POLH: variants seen among roughly 807,000 people sequenced by gnomAD.
POLH encodes DNA polymerase eta.
In POLH, 53 loss-of-function variants were observed where a neutral mutation model predicts 73.6. The ratio of observed to expected loss-of-function variants is 0.72; its 90% CI spans 0.58 to 0.91. The LOEUF (loss-of-function observed/expected upper bound fraction) is 0.91, where lower values mean the gene tolerates loss of function less well. Among genes scored for constraint, POLH ranks in the 40% least tolerant of loss-of-function variants. The probability of loss-of-function intolerance (pLI) is 0.00; values close to 1 mark genes in which losing one functional copy is unlikely to be tolerated. For missense variants in POLH, 768 were observed against 865.4 expected, an observed-to-expected ratio of 0.89 and a Z score of 1.41; for synonymous variants, 292 against 308.5, an observed-to-expected ratio of 0.95 and a Z score of 0.56.
intron 5 of POLH, among the ~76,000 whole-genome samples, chr6:43,600,467 CTATTTAT>C (rs998204442): frequency 1.3e-5 from 2 of 151,582 alleles, no homozygotes; most frequent in African/African-American, 2.4e-5. Context: ...TTTTTAAGTG[CTATTTAT>C]AAGAAGGTGT....
chr6:43,620,001 A>C lies in POLH; in HGVS notation c.*5444A>C. 1 of 258,678 alleles carries C rather than the reference A, an allele frequency of 3.9e-6. No individual in the cohort carries two copies. The highest frequency in any genetic ancestry group is 7.6e-6 in the Non-Finnish European group (1 of 132,426). The allele number at this position is 258,678 out of a possible 1,614,324, so 16.0% of individuals were successfully genotyped here. On this transcript the variant is annotated 3_prime_UTR_variant, in exon 11 of 11. Transcript: ENST00000372236. ...GGCCCCTATTTACCCATAAAATGTC[A>C]AAATCAAGTAGTATGAACATGGAAA...
chr6:43,611,689 G>A (rs1216652251), intron 10 of POLH, among the ~76,000 whole-genome samples: 3 of 152,056 alleles, frequency 2.0e-5, no homozygotes, highest in South Asian at 2.1e-4. Context: ...TTAGTTAATC[G>A]CTTATTACTT....
rs778373190 is a variant in POLH at position 43,614,076 on chromosome 6, A to C, written c.1661A>C (p.Gln554Pro). ...AATTCTTCAGTTTCTTCCCCCCAAC[A>C]AAACCCATGGTCCAACTGTAAAGCA... is the stretch of plus-strand genomic sequence containing the variant. Reference protein sequence around the residue: ...LNNSSVSSPQQNPWSNCKALP... With the variant: ...LNNSSVSSPQPNPWSNCKALP... The change falls in exon 11 of 11, where the codon CAA (glutamine) becomes CCA (proline). Residue 554 changes from glutamine (Q) to proline (P), a missense_variant. Coordinates refer to ENST00000372236, the MANE Select transcript of POLH (RefSeq NM_006502.3). 1.2e-6 allele frequency: 2 copies of C among 1,614,220 alleles called. No homozygotes were observed. Among genetic ancestry groups the C allele is most frequent in the South Asian group, 2.2e-5 (2 of 91,090 alleles).
At chr6:43,595,592 T>C (rs1461453464) in intron 4 of POLH, among the ~76,000 whole-genome samples, 1 of 151,380 alleles carries the variant, frequency 6.6e-6, no homozygotes, top group Non-Finnish European at 1.5e-5. Context: ...CTAAAAAAAA[T>C]ACAAAAAAAT....
chr6:43,581,312 C>G (rs1424458860), intron 1 of POLH, among the ~76,000 whole-genome samples: 1 of 146,324 alleles, frequency 6.8e-6, no homozygotes, highest in South Asian at 2.2e-4. Flanking sequence ...CGGGCAGAGA[C>G]GCTCCTCACT....
intron 4 of POLH, among the ~76,000 whole-genome samples, chr6:43,591,993 T>C (rs1408115446): frequency 6.6e-6 from 1 of 152,190 alleles, no homozygotes; most frequent in Non-Finnish European, 1.5e-5. Flanking sequence ...TTCTTACCTA[T>C]GTACATTTTT....
chr6:43,619,246 C>T lies in POLH; in HGVS notation c.*4689C>T, dbSNP rs900586657. ...AAAGATGGTGGCTTATGCCTGTAGT[C>T]GTACCTACTCAGGAGGCTGAGGTTG... On this transcript the variant is annotated 3_prime_UTR_variant, in exon 11 of 11. Transcript: ENST00000372236. Among the ~76,000 whole-genome samples, 1 of 151,496 alleles carries T rather than the reference C, an allele frequency of 6.6e-6. No homozygotes were observed. Among genetic ancestry groups the T allele is most frequent in the African/African-American group, 2.4e-5 (1 of 41,218 alleles).
At position 43,576,226 on chromosome 6, in the gene POLH, T is replaced by A. The variant is rs750754629; in HGVS notation, c.-219T>A. 94 of 195,202 alleles carry A rather than the reference T, an allele frequency of 4.8e-4. No individual in the cohort carries two copies. The highest frequency in any genetic ancestry group is 7.2e-4 in the Non-Finnish European group (70 of 96,778). The allele number at this position is 195,202 out of a possible 1,614,324, so 12.1% of individuals were successfully genotyped here. ...TGCTGGGCGCGCCGCTCTCGTCTGA[T>A]CCCTGCTGGGGACGGTTGCCCGGGC... On this transcript the variant is annotated 5_prime_UTR_variant, in exon 1 of 11. Coordinates refer to ENST00000372236, the MANE Select transcript of POLH (RefSeq NM_006502.3).
intron 4 of POLH, among the ~76,000 whole-genome samples, chr6:43,593,256 C>T (rs1365457477): frequency 6.6e-6 from 1 of 152,150 alleles, no homozygotes; most frequent in Admixed American, 6.5e-5. Flanking sequence ...CTAAATCTTA[C>T]TAGTGCTCAA....
chr6:43,585,668 G>A (rs1456378290), intron 3 of POLH, among the ~76,000 whole-genome samples: 6 of 140,178 alleles, frequency 4.3e-5, no homozygotes, highest in Admixed American at 7.0e-5. Context: ...GGTGGGGGAC[G>A]GAGTTTCACT....
intron 7 of POLH, 41 bp from the exon 8 acceptor site, chr6:43,604,574 T>C: frequency 6.2e-7 from 1 of 1,601,144 alleles, no homozygotes; most frequent in Non-Finnish European, 8.6e-7. Context: ...ACAAGAATAA[T>C]CATTTAATTT....
chr6:43,607,294 C>T (rs1767411445), intron 9 of POLH, among the ~76,000 whole-genome samples: 2 of 152,110 alleles, frequency 1.3e-5, no homozygotes, highest in Non-Finnish European at 2.9e-5. Context: ...AGGGTTTCAC[C>T]ATGTTGGCCA....
rs541316909 is a variant in POLH, at chr6:43,603,296, T to C, written c.765-596T>C. On this transcript the variant is annotated intron_variant, in intron 6 of 10. Transcript: ENST00000372236. ...TACATACTACCACACCTGACTAATT[T>C]TTTTGTATTTTTTTTGTTGAGACAG... 2.0e-5 allele frequency among the ~76,000 whole-genome samples: 3 copies of C among 152,078 alleles called. No individual in the cohort carries two copies. The East Asian group carries it at 5.8e-4, about 29-fold the overall frequency.
Position 43,604,717 on chromosome 6 carries a change from A to G in POLH, c.987A>G (p.Thr329=). ...IGCSKNFPGK[T]ALATREQVQW... ...GTAGTAAGAACTTCCCAGGAAAAAC[A>G]GCTCTTGCTACTCGGGAACAGGTAA... The change falls in exon 8 of 11, where the codon ACA becomes ACG. Residue 329 remains threonine, a synonymous_variant. Transcript: ENST00000372236. The G allele has an allele frequency of 1.2e-6, 2 of 1,614,160 alleles. No homozygotes were observed. Among genetic ancestry groups the G allele is most frequent in the Non-Finnish European group, 1.7e-6 (2 of 1,180,010 alleles).
chr6:43,601,876 G>A (rs1416903536), intron 6 of POLH, among the ~76,000 whole-genome samples: 1 of 152,072 alleles, frequency 6.6e-6, no homozygotes, highest in South Asian at 2.1e-4. Context: ...TGGCCAACAT[G>A]GTGAAACCCT....
Position 43,617,588 on chromosome 6 carries a change from C to T in POLH, c.*3031C>T, listed in dbSNP as rs934342128. ...GTTGTAGTGAGCTGAGATTGTGCCA[C>T]TGCACTCCAGTCTGGGCAACAGAGT... On this transcript the variant is annotated 3_prime_UTR_variant, in exon 11 of 11. Coordinates refer to ENST00000372236, the MANE Select transcript of POLH (RefSeq NM_006502.3). Among the ~76,000 whole-genome samples the T allele has an allele frequency of 4.0e-5, 6 of 151,212 alleles. No homozygotes were observed. The highest frequency in any genetic ancestry group is 1.5e-4 in the African/African-American group (6 of 41,038).
intron 4 of POLH, among the ~76,000 whole-genome samples, chr6:43,595,795 T>A (rs541266492): frequency 2.0e-4 from 31 of 151,918 alleles, no homozygotes; most frequent in Middle Eastern, 3.4e-3. Context: ...AAATAAATAA[T>A]TAAATAAATA....
intron 3 of POLH, among the ~76,000 whole-genome samples, chr6:43,586,686 C>T (rs922735961): frequency 1.1e-4 from 16 of 152,036 alleles, no homozygotes; most frequent in African/African-American, 3.6e-4. Flanking sequence ...TTAGTATATC[C>T]GTAAATGGTT....
chr6:43,585,074 G>A (rs767083739), intron 3 of POLH, among the ~76,000 whole-genome samples: 6 of 152,086 alleles, frequency 3.9e-5, no homozygotes, highest in Admixed American at 2.0e-4. Flanking sequence ...TGGGAGGGTC[G>A]CTTGAGCCCA....
Sources: allele counts gnomAD v4.1 joint callset (sites outside exome capture counted in the v4.1 genomes callset), GRCh38; gene constraint gnomAD v4.1.1; transcripts MANE v1.5; gene names NCBI Gene and HGNC (gene_info 2026-07-23, HGNC 2026-07-21).